CNTN6: variants seen among roughly 807,000 people sequenced by gnomAD.
CNTN6 encodes the protein contactin 6.
In CNTN6, 137 loss-of-function variants were observed where a neutral mutation model predicts 122.8. The observed-to-expected ratio is 1.12, with a 90% CI of 0.97 to 1.29. The LOEUF is 1.29. Ranked by LOEUF, CNTN6 falls within the 50% of genes most tolerant of loss-of-function variation. CNTN6 has a pLI of 0.00. For synonymous variants in CNTN6, 570 were observed against 426.0 expected, an observed-to-expected ratio of 1.34 and a Z score of -4.16; for missense variants, 1,634 against 1,223.4, an observed-to-expected ratio of 1.34 and a Z score of -5.01.
chr3:1,174,122 T>C (rs1279526810), intron 2 of CNTN6, among the ~76,000 whole-genome samples: 4 of 152,218 alleles, frequency 2.6e-5, no homozygotes, highest in African/African-American at 9.6e-5. Flanking sequence ...CTTAATTTAA[T>C]ATAGCCCTTT....
intron 1 of CNTN6, among the ~76,000 whole-genome samples, chr3:1,105,801 C>T (rs1412250857): frequency 6.6e-6 from 1 of 152,064 alleles, no homozygotes; most frequent in Non-Finnish European, 1.5e-5. Context: ...GGTGTGTGAT[C>T]ATTAAGTGCC....
At chr3:1,245,220 A>G (rs2094547154) in intron 4 of CNTN6, among the ~76,000 whole-genome samples, 1 of 23,182 alleles carries the variant, frequency 4.3e-5, no homozygotes, top group East Asian at 1.1e-3. Context: ...ATATATATAT[A>G]TATATATATA....
chr3:1,174,681 A>G (rs2093417004), intron 2 of CNTN6, among the ~76,000 whole-genome samples: 1 of 152,174 alleles, frequency 6.6e-6, no homozygotes, highest in African/African-American at 2.4e-5. Flanking sequence ...CCATTCAACA[A>G]TACTCATGGC....
At chr3:1,297,257 TG>T (rs1696402062) in intron 6 of CNTN6, among the ~76,000 whole-genome samples, 1 of 152,170 alleles carries the variant, frequency 6.6e-6, no homozygotes, top group African/African-American at 2.4e-5. Flanking sequence ...AGATTAAAAA[TG>T]ATCAAAGTAT....
chr3:1,170,588 C>A (rs1260550073), intron 2 of CNTN6, among the ~76,000 whole-genome samples: 1 of 152,150 alleles, frequency 6.6e-6, no homozygotes, highest in Admixed American at 6.5e-5. Context: ...TTTGTACAAA[C>A]CTTGACAATT....
intron 1 of CNTN6, among the ~76,000 whole-genome samples, chr3:1,124,627 A>G (rs767778960): frequency 6.6e-6 from 1 of 151,916 alleles, no homozygotes; most frequent in Non-Finnish European, 1.5e-5. Flanking sequence ...AAAATCTCAG[A>G]CATCCCTGCT....
At chr3:1,224,447 A>C (rs1349157105) in intron 3 of CNTN6, among the ~76,000 whole-genome samples, 1 of 152,200 alleles carries the variant, frequency 6.6e-6, no homozygotes, top group Non-Finnish European at 1.5e-5. Context: ...GACAAATGAT[A>C]GATTTTTGAG....
At chr3:1,385,896 T>TAA (rs772322722) in intron 20 of CNTN6, 99 bp downstream of exon 20, 5 of 1,181,892 alleles carry the variant, frequency 4.2e-6, no homozygotes, top group Non-Finnish European at 5.8e-6. Flanking sequence ...ATTTCTTTAC[T>TAA]AATTGGTTAC....
intron 1 of CNTN6, among the ~76,000 whole-genome samples, chr3:1,114,011 C>CTG (rs1393196562): frequency 1.3e-5 from 2 of 152,140 alleles, no homozygotes; most frequent in Non-Finnish European, 2.9e-5. Flanking sequence ...GAGGCAGCTA[C>CTG]TGTGATAGCA....
At position 1,373,680 on chromosome 3, in the gene CNTN6, C is replaced by T. The variant is rs767045629; in HGVS notation, c.1863C>T (p.Gly621=). The T allele has an allele frequency of 2.9e-5, 46 of 1,612,930 alleles. No homozygotes were observed. Among genetic ancestry groups the T allele is most frequent in the Non-Finnish European group, 3.9e-5 (46 of 1,179,312 alleles). ...STTSQLSWRA[G]PDNNSPIQIF... is the part of the protein sequence containing the mutation. ...CTTCTCAACTAAGTTGGAGAGCAGG[C>T]CCAGATAATAACAGTCCCATTCAAA... The change falls in exon 15 of 23, where the codon GGC becomes GGT. Residue 621 remains glycine, a synonymous_variant. Coordinates refer to ENST00000446702, the MANE Select transcript of CNTN6 (RefSeq NM_001289080.2).
intron 11 of CNTN6, among the ~76,000 whole-genome samples, chr3:1,343,705 GCTCT>G (rs199822642): frequency 6.6e-6 from 1 of 151,016 alleles, no homozygotes; most frequent in Admixed American, 6.6e-5. Flanking sequence ...TATGCTCTAG[GCTCT>G]CTCTCTCTAT....
intron 2 of CNTN6, among the ~76,000 whole-genome samples, chr3:1,183,439 T>C (rs1322658368): frequency 6.6e-6 from 1 of 151,046 alleles, no homozygotes; most frequent in African/African-American, 2.4e-5. Context: ...CTCTTGGCCA[T>C]GACCATATTT....
intron 5 of CNTN6, among the ~76,000 whole-genome samples, chr3:1,287,341 G>A (rs1037503825): frequency 1.3e-5 from 2 of 152,028 alleles, no homozygotes; most frequent in East Asian, 3.9e-4. Flanking sequence ...CCAATTGTGG[G>A]AAAATTTGTC....
intron 12 of CNTN6, among the ~76,000 whole-genome samples, chr3:1,359,128 G>C (rs571441422): frequency 6.6e-6 from 1 of 152,078 alleles, no homozygotes; most frequent in South Asian, 2.1e-4. Flanking sequence ...GTTACTATTG[G>C]AGAATAGTCT....
rs113312168 is a variant in CNTN6 at position 1,388,317 on chromosome 3, G to A, written c.2704+2520G>A. Among the ~76,000 whole-genome samples the A allele has an allele frequency of 6.5e-3, 952 of 145,768 alleles. 10 individuals carry two copies. Among genetic ancestry groups the A allele is most frequent in the Non-Finnish European group, 0.011 (745 of 65,442 alleles). On this transcript the variant is annotated intron_variant, in intron 20 of 22. Transcript: ENST00000446702. ...GCAGGGGCACACTGACACCTCACAC[G>A]GCAGGGTATGCCAACAGACCTGAAG...
At chr3:1,168,922 A>G (rs2093310645) in intron 2 of CNTN6, among the ~76,000 whole-genome samples, 1 of 152,196 alleles carries the variant, frequency 6.6e-6, no homozygotes, top group Non-Finnish European at 1.5e-5. Context: ...AACGGAATCA[A>G]ACTATATTGC....
intron 4 of CNTN6, among the ~76,000 whole-genome samples, chr3:1,245,224 A>G (rs1487922955): frequency 1.5e-4 from 3 of 19,944 alleles, no homozygotes; most frequent in African/African-American, 1.1e-3. Context: ...ATATATATAT[A>G]TATATATATA....
At chr3:1,124,119 A>T (rs55781812) in intron 1 of CNTN6, among the ~76,000 whole-genome samples, 60,839 of 151,648 alleles carry the variant, frequency 0.4, 12,682 homozygotes, top group East Asian at 0.48. Context: ...TAGCAATGTC[A>T]AGATATTTTT....
intron 12 of CNTN6, among the ~76,000 whole-genome samples, chr3:1,356,996 T>C (rs1706663749): frequency 6.6e-6 from 1 of 151,912 alleles, no homozygotes; most frequent in Non-Finnish European, 1.5e-5. Context: ...TGTCTTGGTC[T>C]TCATGAAAAT....
Sources: gnomAD v4.1 joint callset for allele counts (sites outside exome capture counted in the v4.1 genomes callset) on GRCh38, gnomAD v4.1.1 for gene constraint, MANE v1.5 for transcripts, NCBI Gene and HGNC (gene_info 2026-07-23, HGNC 2026-07-21) for gene names.